Variants in XRCC1 observed in about 807,000 individuals in gnomAD.
The protein encoded by XRCC1 is X-ray repair cross complementing 1.
In XRCC1, 52 loss-of-function variants were observed where a neutral mutation model predicts 83.3. The ratio of observed to expected loss-of-function variants is 0.62; its 90% CI spans 0.50 to 0.79. The LOEUF is 0.79. Ranked by LOEUF, XRCC1 falls within the 30% of genes least tolerant of loss-of-function variation. XRCC1 has a pLI of 0.00. For missense variants in XRCC1, 793 were observed against 823.5 expected (o/e 0.96, Z 0.45); for synonymous variants, 281 against 312.6 (o/e 0.90, Z 1.07).
In XRCC1 at chr19:43,561,457, C is replaced by T. The variant is rs373949435; in HGVS notation, c.145-437G>A. On this transcript the variant is annotated intron_variant, in intron 2 of 16. Transcript: ENST00000262887. ...AGGGGCTTTGTCCGATCTTGCTCAC[C>T]GCTGGTTCCTGGGTTTGAATCCCAG... 3.9e-4 allele frequency among the ~76,000 whole-genome samples: 59 copies of T among 152,344 alleles called. 1 individual carries two copies. Among genetic ancestry groups the T allele is most frequent in the African/African-American group, 1.4e-3 (57 of 41,582 alleles).
intron 3 of XRCC1, among the ~76,000 whole-genome samples, chr19:43,560,180 G>C (rs979432468): frequency 6.6e-6 from 1 of 151,944 alleles, no homozygotes; most frequent in African/African-American, 2.4e-5. Flanking sequence ...GACGAGGTCA[G>C]GAGTTCGAGA....
intron 15 of XRCC1, 149 bp downstream of exon 15, chr19:43,543,995 G>T: frequency 1.3e-6 from 1 of 793,004 alleles, no homozygotes; most frequent in Non-Finnish European, 2.0e-6. Flanking sequence ...CTAGCATTCG[G>T]ATTCCATGAC....
chr19:43,572,927 CTT>C (rs1015971628), intron 2 of XRCC1, among the ~76,000 whole-genome samples: 2 of 91,138 alleles, frequency 2.2e-5, no homozygotes. Context: ...GAGATCTTTT[CTT>C]TTTTTTTTTT....
intron 9 of XRCC1, 141 bp from the exon 10 acceptor site, chr19:43,551,828 G>A (rs911329895): frequency 2.0e-6 from 2 of 1,001,412 alleles, no homozygotes; most frequent in Non-Finnish European, 3.0e-6. Context: ...ACAAAAAGAG[G>A]TTGGAGACCA....
At chr19:43,554,518 A>C in intron 4 of XRCC1, 128 bp downstream of exon 4, 1 of 1,223,190 alleles carries the variant, frequency 8.2e-7, no homozygotes. Flanking sequence ...GCAGGGACCC[A>C]GCCTCCCCAT....
intron 7 of XRCC1, 30 bp from the exon 8 acceptor site, chr19:43,552,938 C>A (rs1216460647): frequency 1.1e-5 from 18 of 1,610,810 alleles, no homozygotes; most frequent in Non-Finnish European, 1.5e-5. Context: ...TTGAGGCCTC[C>A]AGCTTCTCTC....
At chr19:43,564,295 G>A (rs1176978326) in intron 2 of XRCC1, among the ~76,000 whole-genome samples, 4 of 152,146 alleles carry the variant, frequency 2.6e-5, no homozygotes, top group Admixed American at 2.0e-4. Context: ...CTACTCAAGA[G>A]TTATTAAGCA....
At chr19:43,551,872 G>T (rs1972579320) in intron 9 of XRCC1, 145 bp downstream of exon 9, 2 of 1,100,436 alleles carry the variant, frequency 1.8e-6, no homozygotes, top group Non-Finnish European at 1.3e-6. Flanking sequence ...AGAAGACAAA[G>T]GCTACAGAAT....
chr19:43,548,549 T>C (rs909236984), intron 10 of XRCC1, among the ~76,000 whole-genome samples: 1 of 152,104 alleles, frequency 6.6e-6, no homozygotes, highest in Non-Finnish European at 1.5e-5. Context: ...CAAGATGTGC[T>C]TTGTTAAACA....
intron 3 of XRCC1, among the ~76,000 whole-genome samples, chr19:43,559,404 C>T (rs60273962): frequency 7.0e-6 from 1 of 142,018 alleles, no homozygotes; most frequent in East Asian, 2.2e-4. Context: ...GGCGTGAACC[C>T]GGGAGGTGGA....
intron 15 of XRCC1, 89 bp downstream of exon 15, chr19:43,544,055 C>A: frequency 7.7e-7 from 1 of 1,293,010 alleles, no homozygotes. Context: ...TGATGGTCTT[C>A]TTTCCCACAC....
intron 3 of XRCC1, among the ~76,000 whole-genome samples, chr19:43,559,967 GCTA>G (rs1449535629): frequency 1.3e-5 from 2 of 151,964 alleles, no homozygotes; most frequent in Non-Finnish European, 2.9e-5. Context: ...TGTAGCCCTG[GCTA>G]CTTGGGAGGC....
At position 43,553,435 on chromosome 19, in the gene XRCC1, A is replaced by G. The variant is rs775143586; in HGVS notation, c.567T>C (p.Ala189=). 1 of 1,614,108 alleles carries G rather than the reference A, an allele frequency of 6.2e-7. No individual in the cohort carries two copies. Residue 189 remains alanine (A), a synonymous_variant, in exon 6 of 17, where the codon GCT becomes GCC. Transcript: ENST00000262887. The part of the protein sequence containing the change: ...DESANSLRPG[A]LFFSRINKTS... ...TCTTGTTGATCCGGCTGAAGAAGAG[A>G]GCCCCCGGCCTCAGAGAGTTGGCGC...
chr19:43,552,341 C>T, intron 8 of XRCC1, 66 bp from the exon 9 acceptor site: 1 of 1,218,516 alleles, frequency 8.2e-7, no homozygotes, highest in Non-Finnish European at 1.2e-6. Flanking sequence ...CCTCCTCCCT[C>T]AGACCCAGCA....
intron 14 of XRCC1, 106 bp downstream of exon 14, chr19:43,545,712 G>C: frequency 6.8e-7 from 1 of 1,465,290 alleles, no homozygotes; most frequent in East Asian, 2.3e-5. Flanking sequence ...GGAGAGGGGA[G>C]GCAAGACACG....
At chr19:43,557,792 C>CAA (rs35267441) in intron 3 of XRCC1, among the ~76,000 whole-genome samples, 687 of 40,994 alleles carry the variant, frequency 0.017, 75 homozygotes, top group Middle Eastern at 0.038. Flanking sequence ...AATTCCATCT[C>CAA]AAAAAAAAAA....
chr19:43,553,892 T>C, intron 4 of XRCC1: 1 of 497,256 alleles, frequency 2.0e-6, no homozygotes, highest in Non-Finnish European at 3.6e-6. Context: ...CAAGCCCTTT[T>C]CACGCATTAG....
At chr19:43,551,328 C>A (rs1162419182) in intron 10 of XRCC1, among the ~76,000 whole-genome samples, 1 of 152,208 alleles carries the variant, frequency 6.6e-6, no homozygotes, top group Non-Finnish European at 1.5e-5. Context: ...AGTTTTTGCA[C>A]AAACTGCTCC....
At chr19:43,549,312 T>C (rs1053352102) in intron 10 of XRCC1, among the ~76,000 whole-genome samples, 1 of 152,110 alleles carries the variant, frequency 6.6e-6, no homozygotes, top group Non-Finnish European at 1.5e-5. Context: ...CAGGCTGGAG[T>C]GCAGTGGCAT....
Sources: allele counts gnomAD v4.1 joint callset (sites outside exome capture counted in the v4.1 genomes callset), GRCh38; gene constraint gnomAD v4.1.1; transcripts MANE v1.5; gene names NCBI Gene and HGNC (gene_info 2026-07-23, HGNC 2026-07-21).